The following GRIN2D variants were observed in gnomAD, a reference collection of about 807,000 sequenced individuals.
GRIN2D encodes the protein glutamate receptor ionotropic, NMDA 2D.
Under a neutral mutation model 103.2 loss-of-function variants are expected in GRIN2D, and 37 were observed. That is an observed-to-expected ratio of 0.36 (90% CI 0.28 to 0.47). GRIN2D has a LOEUF of 0.47. Ranked by LOEUF, GRIN2D falls within the 20% of genes least tolerant of loss-of-function variation. The pLI is 1.00. For synonymous variants in GRIN2D, 845 were observed against 885.6 expected (o/e 0.95, Z 0.81); for missense variants, 1,557 against 1,910.6 (o/e 0.81, Z 3.45).
rs141530315 is a variant in GRIN2D at position 48,419,353 on chromosome 19, G to A, written c.1855G>A (p.Gly619Ser). The A allele has an allele frequency of 1.9e-6, 3 of 1,601,580 alleles. No individual in the cohort carries two copies. Among genetic ancestry groups the A allele is most frequent in the Non-Finnish European group, 2.5e-6 (3 of 1,178,038 alleles). ...TGGTTACAACCGCAGCCTGGCCACGGGCAAGCGTGAGTCCCCCTTCCTCCA... is the reference window on the plus strand; with the variant it reads ...TGGTTACAACCGCAGCCTGGCCACGAGCAAGCGTGAGTCCCCCTTCCTCCA... Reference protein sequence around the residue: ...PVGYNRSLATGKRPGGSTFTI... With the variant: ...PVGYNRSLATSKRPGGSTFTI... Residue 619 changes from glycine (G) to serine (S), a missense_variant, in exon 9 of 14, where the codon GGC becomes AGC. This residue lies in a region of GRIN2D where 197 missense variants were observed against 334.1 expected (regional missense o/e 0.59). Transcript: ENST00000263269.
At chr19:48,441,991 G>T (rs779070189) in intron 12 of GRIN2D, 35 bp downstream of exon 12, 5 of 1,575,848 alleles carry the variant, frequency 3.2e-6, no homozygotes, top group East Asian at 2.2e-5. Context: ...ACAGCGGAGA[G>T]GGGGAGGGCG....
chr19:48,441,760 T>C lies in GRIN2D; in HGVS notation c.2253-9T>C, dbSNP rs977547264. 4.4e-6 allele frequency: 7 copies of C among 1,603,114 alleles called. No homozygotes were observed. In the African/African-American group the frequency reaches 5.4e-5, roughly 12 times the overall value. On this transcript the variant is annotated splice_polypyrimidine_tract_variant and intron_variant, in intron 11 of 13. Transcript: ENST00000263269. ...GACTGACCCTACCCTCCATTCCCCCTCCCCCCAGGAAGCTGGACGCCTTCA... is the reference window on the plus strand; with the variant it reads ...GACTGACCCTACCCTCCATTCCCCCCCCCCCCAGGAAGCTGGACGCCTTCA...
At chr19:48,419,403 CACAGAG>C in intron 9 of GRIN2D, 44 bp downstream of exon 9, 1 of 1,576,858 alleles carries the variant, frequency 6.3e-7, no homozygotes, top group East Asian at 2.2e-5. Context: ...GATCCCGAAC[CACAGAG>C]ACAGAGAACT....
In GRIN2D at chr19:48,442,347, A is replaced by C. The variant is rs755306198; in HGVS notation, c.2638A>C (p.Thr880Pro). The change falls in exon 13 of 14, where the codon ACC becomes CCC. Residue 880 changes from threonine (T) to proline (P), a missense_variant. Around this residue, in one of 7 missense-constraint regions of GRIN2D, gnomAD observed 632 missense variants for 572.8 expected, o/e 1.10. Coordinates refer to ENST00000263269, the MANE Select transcript of GRIN2D (RefSeq NM_000836.4). The surrounding 1 kb of genome is among the most constrained non-coding windows in gnomAD (Gnocchi z 7.2). ...YWRLRHCLGP[T>P]HRMDFLLAFS... is the part of the protein sequence containing the mutation. Reference sequence around the variant, plus strand: ...GCGCCTGCGGCACTGCCTGGGGCCCACCCACCGCATGGACTTCCTGCTGGC... The same window carrying C: ...GCGCCTGCGGCACTGCCTGGGGCCCCCCCACCGCATGGACTTCCTGCTGGC... 1 of 1,613,204 alleles carries C rather than the reference A, an allele frequency of 6.2e-7. No individual in the cohort carries two copies. The highest frequency in any genetic ancestry group is 8.5e-7 in the Non-Finnish European group (1 of 1,179,928).
chr19:48,443,642 C>T lies in GRIN2D; in HGVS notation c.3716C>T (p.Ser1239Leu), dbSNP rs1413012785. Residue 1239 changes from serine (S) to leucine (L), a missense_variant, in exon 14 of 14, where the codon TCG (serine) becomes TTG (leucine). Ser to Leu is a moderately radical substitution (Grantham distance 145). This residue lies in a region of GRIN2D where 632 missense variants were observed against 572.8 expected (regional missense o/e 1.10). Coordinates refer to ENST00000263269, the MANE Select transcript of GRIN2D (RefSeq NM_000836.4). The surrounding 1 kb of genome is among the most constrained non-coding windows in gnomAD (Gnocchi z 8.9). ...TCGCACCCGCACCGCCCGCGGGCCT[C>T]GCACCGCACGCCCGCCGCCGCCGCG... The part of the protein sequence containing the change: ...PRSHPHRPRA[S>L]HRTPAAAAPH... 1.9e-5 allele frequency: 21 copies of T among 1,102,760 alleles called. No homozygotes were observed. Among genetic ancestry groups the T allele is most frequent in the East Asian group, 6.4e-5 (1 of 15,530 alleles). The allele number at this position is 1,102,760 out of a possible 1,614,324, so 68.3% of individuals were successfully genotyped here. A position where few individuals can be genotyped will look rare whatever the true frequency, so the allele number is the denominator to read the frequency against.
intron 3 of GRIN2D, among the ~76,000 whole-genome samples, chr19:48,402,599 C>G (rs1392549525): frequency 6.6e-6 from 1 of 151,148 alleles, no homozygotes; most frequent in East Asian, 1.9e-4. Flanking sequence ...CGCCTGTAGT[C>G]CCAGCTACTC....
In GRIN2D at chr19:48,443,541, C is replaced by G. The variant is rs2147477694; in HGVS notation, c.3615C>G (p.Gly1205=). Residue 1205 remains glycine (G), a synonymous_variant, in exon 14 of 14, where the codon GGC becomes GGG. Transcript: ENST00000263269. The surrounding 1 kb of genome is among the most constrained non-coding windows in gnomAD (Gnocchi z 8.9). ...GCTCGCACGATGGCCTGGACGGCGG[C>G]TGGTGGGCGCCACCGCCTCCACCCT... is the stretch of plus-strand genomic sequence containing the variant. ...LSCSHDGLDG[G]WWAPPPPPWA... 1 of 1,279,416 alleles carries G rather than the reference C, an allele frequency of 7.8e-7. No homozygotes were observed. The highest frequency in any genetic ancestry group is 2.3e-5 in the South Asian group (1 of 43,396). 79.3% of individuals were successfully genotyped at this position (1,279,416 alleles called of 1,614,324 possible).
At chr19:48,427,422 T>A (rs1395611043) in intron 11 of GRIN2D, among the ~76,000 whole-genome samples, 4 of 151,384 alleles carry the variant, frequency 2.6e-5, no homozygotes, top group Non-Finnish European at 2.9e-5. Context: ...TTGTTCCATA[T>A]CCTTCTTGCC....
chr19:48,436,525 A>T (rs1310515124), intron 11 of GRIN2D, among the ~76,000 whole-genome samples: 1 of 152,212 alleles, frequency 6.6e-6, no homozygotes, highest in Non-Finnish European at 1.5e-5. Context: ...CTAATTTGTT[A>T]GTCCTGCAAA....
chr19:48,422,976 C>T (rs773280396), intron 11 of GRIN2D, among the ~76,000 whole-genome samples: 1 of 151,868 alleles, frequency 6.6e-6, no homozygotes, highest in Non-Finnish European at 1.5e-5. Context: ...CTTGGGAGGC[C>T]GAGACGGGCA....
At position 48,402,158 on chromosome 19, in the gene GRIN2D, A is replaced by G. The variant is rs151166501; in HGVS notation, c.466-2576A>G. 1.8e-4 allele frequency among the ~76,000 whole-genome samples: 12 copies of G among 68,244 alleles called. No homozygotes were observed. In the South Asian group the frequency reaches 5.6e-3, roughly 32 times the overall value. 44.8% of individuals were successfully genotyped at this position (68,244 alleles called of 152,430 possible). Reference sequence around the variant, plus strand: ...AAAGAAAGAAAGAAAGAAAGAAAGAAAGAAAGAAAGAGAGAAAAGAAAACA... The same window carrying G: ...AAAGAAAGAAAGAAAGAAAGAAAGAGAGAAAGAAAGAGAGAAAAGAAAACA... On this transcript the variant is annotated intron_variant, in intron 3 of 13. Coordinates refer to ENST00000263269, the MANE Select transcript of GRIN2D (RefSeq NM_000836.4).
intron 4 of GRIN2D, among the ~76,000 whole-genome samples, chr19:48,412,422 AAAGAAAGAAAG>A (rs1414712461): frequency 1.4e-4 from 2 of 14,514 alleles, no homozygotes; most frequent in African/African-American, 3.0e-4. Context: ...AAGAGAAAGA[AAAGAAAGAAAG>A]AAAGAAAGAA....
chr19:48,424,410 A>G, intron 11 of GRIN2D, among the ~76,000 whole-genome samples: 1 of 150,078 alleles, frequency 6.7e-6, no homozygotes, highest in Non-Finnish European at 1.5e-5. Flanking sequence ...AGCTGGGACT[A>G]CAGGCGCCCA....
Position 48,404,811 on chromosome 19 carries a change from G to A in GRIN2D, c.543G>A (p.Glu181=), listed in dbSNP as rs766102954. The A allele has an allele frequency of 9.3e-6, 15 of 1,614,196 alleles. No homozygotes were observed. The East Asian group carries it at 1.8e-4, about 19-fold the overall frequency. The change falls in exon 4 of 14, where the codon GAG becomes GAA. Residue 181 remains glutamate, a synonymous_variant. Coordinates refer to ENST00000263269, the MANE Select transcript of GRIN2D (RefSeq NM_000836.4). ...AGGTCATCTTTGAGGTGCTGGAGGA[G>A]TATGACTGGACGTCCTTTGTAGCCG... The part of the protein sequence containing the change: ...QLQVIFEVLE[E]YDWTSFVAVT...
Position 48,442,772 on chromosome 19 carries a change from C to T in GRIN2D, c.2846C>T (p.Ala949Val). The change falls in exon 14 of 14, where the codon GCG (alanine) becomes GTG (valine). Residue 949 changes from alanine to valine, a missense_variant. Ala to Val is a moderately conservative substitution (Grantham distance 64, BLOSUM62 0). Transcript: ENST00000263269. The surrounding 1 kb of genome is among the most constrained non-coding windows in gnomAD (Gnocchi z 7.2). ...GACCGCTGGCGCCGGACCAAGGGCG[C>T]GGGGCCGCCGGGGGGCGCGGGCCTG... ...SVDRWRRTKG[A>V]GPPGGAGLAD... 2 of 1,063,930 alleles carry T rather than the reference C, an allele frequency of 1.9e-6. No individual in the cohort carries two copies. The highest frequency in any genetic ancestry group is 2.3e-6 in the Non-Finnish European group (2 of 882,658). 65.9% of individuals were successfully genotyped at this position (1,063,930 alleles called of 1,614,324 possible). A position where few individuals can be genotyped will look rare whatever the true frequency, so the allele number is the denominator to read the frequency against.
At chr19:48,398,931 C>A in intron 3 of GRIN2D, 74 bp downstream of exon 3, 2 of 1,098,374 alleles carry the variant, frequency 1.8e-6, no homozygotes, top group Non-Finnish European at 2.3e-6. Flanking sequence ...CTGGGACAGC[C>A]AGCGGGGGCG....
rs530618627 is a variant in GRIN2D at position 48,421,549 on chromosome 19, G to A, written c.2092-236G>A. 3.9e-5 allele frequency among the ~76,000 whole-genome samples: 6 copies of A among 152,290 alleles called. No individual in the cohort carries two copies. In the East Asian group the frequency reaches 1.2e-3, roughly 29 times the overall value. On this transcript the variant is annotated intron_variant, in intron 10 of 13. Coordinates refer to ENST00000263269, the MANE Select transcript of GRIN2D (RefSeq NM_000836.4). The surrounding 1 kb of genome is among the most constrained non-coding windows in gnomAD (Gnocchi z 4.8). ...TTCAGTAAGTGAAGACTTAACACCT[G>A]GCACATCAGGGGCCTCAGGGAGGCT...
At position 48,419,226 on chromosome 19, in the gene GRIN2D, G is replaced by A; in HGVS notation, c.1736-8G>A. 4 of 1,601,248 alleles carry A rather than the reference G, an allele frequency of 2.5e-6. No homozygotes were observed. The highest frequency in any genetic ancestry group is 2.2e-5 in the East Asian group (1 of 44,692). On this transcript the variant is annotated splice_polypyrimidine_tract_variant and splice_region_variant and intron_variant, in intron 8 of 13. Transcript: ENST00000263269. Reference sequence around the variant, plus strand: ...CTGAGCCATAACCACGCACTCCCTTGTCCCCAGAGCCCTACAGCCCCGCCG... The same window carrying A: ...CTGAGCCATAACCACGCACTCCCTTATCCCCAGAGCCCTACAGCCCCGCCG...
At chr19:48,422,888 T>C (rs978587154) in intron 11 of GRIN2D, among the ~76,000 whole-genome samples, 3 of 152,092 alleles carry the variant, frequency 2.0e-5, no homozygotes, top group African/African-American at 7.2e-5. Context: ...GGTCAGGAGT[T>C]GGAGACCACC....
Sources: gnomAD v4.1 joint callset for allele counts (sites outside exome capture counted in the v4.1 genomes callset) on GRCh38, gnomAD v4.1.1 for gene constraint, gnomAD v4.1.1 regional missense constraint, Gnocchi (gnomAD v3.1) non-coding constraint, MANE v1.5 for transcripts, NCBI Gene and HGNC (gene_info 2026-07-23, HGNC 2026-07-21) for gene names.